Variants in PRTN3 observed in about 807,000 individuals in gnomAD.
PRTN3 encodes myeloblastin.
In PRTN3, 22 loss-of-function variants were observed where a neutral mutation model predicts 20.7. That is an observed-to-expected ratio of 1.06 (90% CI 0.76 to 1.52). PRTN3 has a LOEUF of 1.52. PRTN3 is among the 40% of genes most tolerant of loss of function. The pLI is 0.00. For synonymous variants in PRTN3, 173 were observed against 152.9 expected (o/e 1.13, Z -0.97); for missense variants, 378 against 359.6 (o/e 1.05, Z -0.41).
chr19:842,413 A>ATTT (rs34047197), intron 1 of PRTN3, among the ~76,000 whole-genome samples: 455 of 39,410 alleles, frequency 0.012, 117 homozygotes, highest in African/African-American at 0.058. Flanking sequence ...TGCGCCCAGG[A>ATTT]TTTTTTTTTT....
chr19:845,291 G>A (rs143711993), intron 3 of PRTN3, among the ~76,000 whole-genome samples: 8 of 151,722 alleles, frequency 5.3e-5, no homozygotes, highest in Non-Finnish European at 8.8e-5. Context: ...GGTAGCACAC[G>A]CCAAGCCACT....
At chr19:846,062 G>T (rs2035511934) in intron 3 of PRTN3, 85 bp from the exon 4 acceptor site, 1 of 1,001,224 alleles carries the variant, frequency 1.0e-6, no homozygotes, top group Non-Finnish European at 1.4e-6. Context: ...GAGGTGGTGG[G>T]TGTGGTGGGT....
chr19:847,581 GAA>G (rs1491482168), intron 4 of PRTN3, among the ~76,000 whole-genome samples: 23 of 150,842 alleles, frequency 1.5e-4, no homozygotes, highest in Admixed American at 1.3e-3. Context: ...GAGAGAGAGA[GAA>G]AGAAAGAAAG....
chr19:842,586 ATTT>A (rs71174326), intron 1 of PRTN3, among the ~76,000 whole-genome samples: 3 of 65,472 alleles, frequency 4.6e-5, no homozygotes, highest in African/African-American at 1.6e-4. Flanking sequence ...CACCTGGCTA[ATTT>A]TTTTTTTTTT....
chr19:847,950 A>T lies in PRTN3; in HGVS notation c.752A>T (p.Glu251Val). The T allele has an allele frequency of 6.2e-7, 1 of 1,603,472 alleles. No homozygotes were observed. The highest frequency in any genetic ancestry group is 8.5e-7 in the Non-Finnish European group (1 of 1,175,242). ...DWIRSTLRRVEAKGRP is the reference protein window; with the variant it reads ...DWIRSTLRRVVAKGRP The stretch of plus-strand genomic sequence containing the variant: ...ATCCGTTCCACGCTGCGCCGTGTGG[A>T]GGCCAAGGGCCGCCCCTGAACCGCC... The change falls in exon 5 of 5, where the codon GAG becomes GTG. Residue 251 changes from glutamate to valine, a missense_variant. By Grantham distance (121) the Glu-to-Val change is moderately radical. Coordinates refer to ENST00000234347, the MANE Select transcript of PRTN3 (RefSeq NM_002777.4).
In PRTN3 at chr19:843,867, G is replaced by A. The variant is rs376688768; in HGVS notation, c.228-26G>A. The A allele has an allele frequency of 3.1e-4, 486 of 1,568,628 alleles. 2 individuals are homozygous for A. The Middle Eastern group carries it at 6.4e-3, about 21-fold the overall frequency. On this transcript the variant is annotated intron_variant, in intron 2 of 4. Transcript: ENST00000234347. ...GGCGGCGGCGAGTGTCCAGGGCGCC[G>A]AGGAGTGACCACCCCACCCCCGCAG... is the stretch of plus-strand genomic sequence containing the variant.
At chr19:847,468 A>C (rs1208479402) in intron 4 of PRTN3, among the ~76,000 whole-genome samples, 2 of 151,878 alleles carry the variant, frequency 1.3e-5, no homozygotes, top group East Asian at 1.9e-4. Flanking sequence ...AAACAAAACA[A>C]AAGGAGAAAG....
intron 4 of PRTN3, among the ~76,000 whole-genome samples, chr19:847,043 C>T (rs2035526168): frequency 1.3e-5 from 2 of 152,120 alleles, no homozygotes; most frequent in African/African-American, 4.8e-5. Flanking sequence ...TGGTGGCTCA[C>T]GCCTGTAATC....
At chr19:841,853 G>C (rs1279202169) in intron 1 of PRTN3, among the ~76,000 whole-genome samples, 1 of 141,482 alleles carries the variant, frequency 7.1e-6, no homozygotes, top group Non-Finnish European at 1.5e-5. Context: ...TCAGCCTCCC[G>C]AGTAGCTGGG....
rs1422275307 is a variant in PRTN3, at chr19:843,999, G to T, written c.334G>T (p.Ala112Ser). The T allele has an allele frequency of 6.2e-7, 1 of 1,607,192 alleles. No homozygotes were observed. The highest frequency in any genetic ancestry group is 1.7e-5 in the Admixed American group (1 of 59,236). Residue 112 changes from alanine (A) to serine (S), a missense_variant, in exon 3 of 5, where the codon GCG becomes TCG. By Grantham distance (99) the Ala-to-Ser change is moderately conservative. Coordinates refer to ENST00000234347, the MANE Select transcript of PRTN3 (RefSeq NM_002777.4). Reference protein sequence around the residue: ...VAQVFLNNYDAENKLNDVLLI... With the variant: ...VAQVFLNNYDSENKLNDVLLI... ...TCAGGTGTTTCTGAACAACTACGAC[G>T]CGGAGAACAAACTGAACGACGTTCT...
intron 3 of PRTN3, 134 bp downstream of exon 3, chr19:844,168 G>C (rs1299856811): frequency 2.4e-6 from 3 of 1,235,470 alleles, no homozygotes; most frequent in Non-Finnish European, 3.3e-6. Flanking sequence ...CCTGGGTCCA[G>C]TGGCACTGGC....
chr19:845,122 A>C (rs1237947713), intron 3 of PRTN3, among the ~76,000 whole-genome samples: 1 of 151,526 alleles, frequency 6.6e-6, no homozygotes, highest in Non-Finnish European at 1.5e-5. Flanking sequence ...TAATTTTTGT[A>C]TTTTTAGTAG....
chr19:844,074 C>G, intron 3 of PRTN3, 40 bp downstream of exon 3: 1 of 1,563,008 alleles, frequency 6.4e-7, no homozygotes. Context: ...GGGGCACGGC[C>G]AGAGGGCTCC....
chr19:843,978 G>T lies in PRTN3; in HGVS notation c.313G>T (p.Val105Leu), dbSNP rs1205319125. ...CCAGCAGCACTTCTCGGTGGCTCAG[G>T]TGTTTCTGAACAACTACGACGCGGA... The part of the protein sequence containing the change: ...PTQQHFSVAQ[V>L]FLNNYDAENK... Residue 105 changes from valine to leucine, a missense_variant, in exon 3 of 5, where the codon GTG becomes TTG. Val to Leu is a conservative substitution (Grantham distance 32, BLOSUM62 1). Transcript: ENST00000234347. 1.2e-6 allele frequency: 2 copies of T among 1,605,696 alleles called. No individual in the cohort carries two copies. Among genetic ancestry groups the T allele is most frequent in the Non-Finnish European group, 8.5e-7 (1 of 1,176,740 alleles).
At chr19:843,660 C>G in intron 2 of PRTN3, 34 bp downstream of exon 2, 1 of 1,544,032 alleles carries the variant, frequency 6.5e-7, no homozygotes, top group East Asian at 2.4e-5. Context: ...TGTCCGCCCG[C>G]CCCGCCCTCT....
At chr19:844,122 C>G in intron 3 of PRTN3, 88 bp downstream of exon 3, 1 of 1,468,016 alleles carries the variant, frequency 6.8e-7, no homozygotes. Flanking sequence ...CATTGAGCAC[C>G]CACTGTATAC....
At chr19:841,781 G>A (rs12985870) in intron 1 of PRTN3, among the ~76,000 whole-genome samples, 40,879 of 114,648 alleles carry the variant, frequency 0.36, 7,866 homozygotes, top group Admixed American at 0.47. Context: ...AGGCTGGAGT[G>A]CAGTGGCGCG....
intron 4 of PRTN3, 140 bp from the exon 5 acceptor site, chr19:847,659 G>C (rs1480126113): frequency 1.0e-6 from 1 of 986,526 alleles, no homozygotes; most frequent in African/African-American, 1.6e-5. Flanking sequence ...CTTCCTGGCT[G>C]CCTGGGGCCA....
At chr19:846,024 G>A (rs1373723370) in intron 3 of PRTN3, 123 bp from the exon 4 acceptor site, 1 of 612,742 alleles carries the variant, frequency 1.6e-6, no homozygotes, top group South Asian at 2.4e-5. Context: ...TGGGGCCCAG[G>A]CGGAGGGAGC....
Sources: gnomAD v4.1 joint callset for allele counts (sites outside exome capture counted in the v4.1 genomes callset) on GRCh38, gnomAD v4.1.1 for gene constraint, MANE v1.5 for transcripts, NCBI Gene and HGNC (gene_info 2026-07-23, HGNC 2026-07-21) for gene names.